DLGAP1: variants seen among roughly 807,000 people sequenced by gnomAD.
DLGAP1 encodes the protein DLG associated protein 1, also known as disks large-associated protein 1.
In DLGAP1, 11 loss-of-function variants were observed where a neutral mutation model predicts 90.8. That is an observed-to-expected ratio of 0.12 (90% confidence interval 0.08 to 0.20). The LOEUF (loss-of-function observed/expected upper bound fraction) is 0.20. DLGAP1 is among the 10% of genes least tolerant of loss of function. The probability of loss-of-function intolerance (pLI) is 1.00; values close to 1 mark genes in which losing one functional copy is unlikely to be tolerated. For missense variants in DLGAP1, 1,050 were observed against 1,333.8 expected (o/e 0.79, Z 3.31); for synonymous variants, 558 against 540.7 (o/e 1.03, Z -0.44).
chr18:3,678,076 C>T (rs1266813937), intron 7 of DLGAP1, among the ~76,000 whole-genome samples: 1 of 151,458 alleles, frequency 6.6e-6, no homozygotes, highest in Admixed American at 6.6e-5. Context: ...ATTCTCCTGC[C>T]TCAGCCTCCC....
chr18:3,909,751 T>C (rs1287633074), intron 3 of DLGAP1, among the ~76,000 whole-genome samples: 2 of 152,202 alleles, frequency 1.3e-5, no homozygotes, highest in Non-Finnish European at 2.9e-5. Context: ...TGGTTGGTTG[T>C]TGTTGACTGC....
intron 3 of DLGAP1, among the ~76,000 whole-genome samples, chr18:3,955,831 G>C (rs539030766): frequency 5.9e-5 from 9 of 152,236 alleles, no homozygotes; most frequent in East Asian, 5.8e-4. Flanking sequence ...ATTAATGCTA[G>C]ATTAGACATG....
intron 3 of DLGAP1, among the ~76,000 whole-genome samples, chr18:3,921,554 G>A (rs1158263194): frequency 6.6e-6 from 1 of 152,170 alleles, no homozygotes; most frequent in Non-Finnish European, 1.5e-5. Context: ...AAAAATGCAG[G>A]AGGTTAAATG....
At chr18:3,546,010 G>A (rs944021901) in intron 9 of DLGAP1, among the ~76,000 whole-genome samples, 2 of 152,176 alleles carry the variant, frequency 1.3e-5, no homozygotes, top group Non-Finnish European at 2.9e-5. Context: ...TTCACAATTA[G>A]AGTCAGATAT....
In DLGAP1 at chr18:3,796,715, C is replaced by G. The variant is rs529969422; in HGVS notation, c.1172+17344G>C. Among the ~76,000 whole-genome samples the G allele has an allele frequency of 2.6e-5, 4 of 152,322 alleles. No individual in the cohort carries two copies. The East Asian group carries it at 7.7e-4, about 29-fold the overall frequency. On this transcript the variant is annotated intron_variant, in intron 5 of 12. Transcript: ENST00000315677. ...GAGATGGAAACTGTCGGATCCTCAC[C>G]ATGCTATCAAAGCAAATTCCAGCAG...
At chr18:3,959,938 C>T (rs2073164712) in intron 3 of DLGAP1, among the ~76,000 whole-genome samples, 1 of 152,176 alleles carries the variant, frequency 6.6e-6, no homozygotes, top group South Asian at 2.1e-4. Context: ...CATTTCAATT[C>T]AGACAAGCTT....
chr18:4,096,310 C>A (rs773164989), intron 2 of DLGAP1, among the ~76,000 whole-genome samples: 15 of 152,120 alleles, frequency 9.9e-5, no homozygotes, highest in Non-Finnish European at 2.1e-4. Flanking sequence ...CAGGCGTGAG[C>A]CACTGCGCCT....
intron 3 of DLGAP1, among the ~76,000 whole-genome samples, chr18:3,901,961 G>C (rs1263850289): frequency 6.6e-6 from 1 of 152,172 alleles, no homozygotes; most frequent in Non-Finnish European, 1.5e-5. Flanking sequence ...ACATTCATTT[G>C]TGGGCTTGTC....
chr18:4,059,737 T>C (rs987845551), intron 2 of DLGAP1, among the ~76,000 whole-genome samples: 1 of 151,686 alleles, frequency 6.6e-6, no homozygotes, highest in Non-Finnish European at 1.5e-5. Flanking sequence ...AATAAATAAA[T>C]AAACAGACTG....
intron 5 of DLGAP1, among the ~76,000 whole-genome samples, chr18:3,777,346 CA>C (rs1417154043): frequency 2.0e-5 from 3 of 152,136 alleles, no homozygotes; most frequent in African/African-American, 7.2e-5. Flanking sequence ...CAGGGAGAGG[CA>C]TTTCAAAACC....
chr18:4,367,532 CA>C (rs1039051569), intron 1 of DLGAP1, among the ~76,000 whole-genome samples: 3 of 151,602 alleles, frequency 2.0e-5, no homozygotes, highest in African/African-American at 4.8e-5. Context: ...AATATTATTC[CA>C]AAAAAAATTA....
At chr18:3,515,480 A>AAAT (rs1221581623) in intron 10 of DLGAP1, among the ~76,000 whole-genome samples, 2 of 129,582 alleles carry the variant, frequency 1.5e-5, no homozygotes, top group Admixed American at 1.6e-4. Flanking sequence ...AAAAAAAAAA[A>AAAT]AAAAAATTGG....
chr18:3,660,648 T>C lies in DLGAP1; in HGVS notation c.1591+68487A>G, dbSNP rs1330027159. 6.6e-6 allele frequency among the ~76,000 whole-genome samples: 1 copy of C among 152,246 alleles called. No homozygotes were observed. Among genetic ancestry groups the C allele is most frequent in the Admixed American group, 6.5e-5 (1 of 15,288 alleles). On this transcript the variant is annotated intron_variant, in intron 7 of 12. Transcript: ENST00000315677. The surrounding 1 kb of genome is among the most constrained non-coding windows in gnomAD (Gnocchi z 4.2). ...TTCATTATATTGACCACTGTCTATT[T>C]CTACTCAGAGGCTGTTCTTTATAGG... is the stretch of plus-strand genomic sequence containing the variant.
intron 1 of DLGAP1, among the ~76,000 whole-genome samples, chr18:4,429,651 C>G (rs954863800): frequency 6.6e-6 from 1 of 152,108 alleles, no homozygotes; most frequent in Non-Finnish European, 1.5e-5. Flanking sequence ...GGCAATACCA[C>G]GTAGCAAAAC....
At chr18:3,774,744 C>G (rs186294755) in intron 5 of DLGAP1, 1 of 152,168 alleles carries the variant, frequency 6.6e-6, no homozygotes, top group Non-Finnish European at 1.5e-5. Context: ...ACCTGTACCC[C>G]AAAATATGGA....
chr18:3,897,557 G>A (rs2071657312), intron 3 of DLGAP1, among the ~76,000 whole-genome samples: 1 of 152,090 alleles, frequency 6.6e-6, no homozygotes, highest in South Asian at 2.1e-4. Flanking sequence ...AATATATTGT[G>A]TATAAAATGT....
At chr18:3,772,748 C>T (rs1191217132) in intron 5 of DLGAP1, among the ~76,000 whole-genome samples, 4 of 151,802 alleles carry the variant, frequency 2.6e-5, no homozygotes, top group Admixed American at 6.6e-5. Context: ...GTGGCATTGG[C>T]ACCCCCTGGG....
intron 2 of DLGAP1, among the ~76,000 whole-genome samples, chr18:4,043,431 A>G (rs1372852132): frequency 6.6e-6 from 1 of 152,230 alleles, no homozygotes; most frequent in African/African-American, 2.4e-5. Context: ...ATTTATTTAT[A>G]TTAAAACCTC....
chr18:3,668,779 C>T (rs757386302), intron 7 of DLGAP1, among the ~76,000 whole-genome samples: 1 of 152,118 alleles, frequency 6.6e-6, no homozygotes, highest in African/African-American at 2.4e-5. Flanking sequence ...AGGCAGATCA[C>T]CTAAGGCCAG....
Sources: gnomAD v4.1 joint callset for allele counts (sites outside exome capture counted in the v4.1 genomes callset) on GRCh38, gnomAD v4.1.1 for gene constraint, Gnocchi (gnomAD v3.1) non-coding constraint, MANE v1.5 for transcripts, NCBI Gene and HGNC (gene_info 2026-07-23, HGNC 2026-07-21) for gene names.